CDK15: variants seen among roughly 807,000 people sequenced by gnomAD.
CDK15 encodes the protein cyclin dependent kinase 15.
A neutral mutation model predicts 60.3 loss-of-function variants in CDK15; 62 were observed. The observed-to-expected ratio is 1.03, with a 90% CI of 0.84 to 1.27. CDK15 has a LOEUF of 1.27. Among genes scored for constraint, CDK15 ranks in the 50% most tolerant of loss-of-function variants. The probability of loss-of-function intolerance (pLI) is 0.00; values close to 1 mark genes in which losing one functional copy is unlikely to be tolerated. For missense variants in CDK15, 541 were observed against 527.8 expected (o/e 1.03, Z -0.25); for synonymous variants, 194 against 195.7 (o/e 0.99, Z 0.07).
chr2:201,827,556 G>A (rs1346585122), intron 6 of CDK15, among the ~76,000 whole-genome samples: 1 of 152,218 alleles, frequency 6.6e-6, no homozygotes, highest in Non-Finnish European at 1.5e-5. Flanking sequence ...ACTGTGGTCT[G>A]TAGGATATAT....
intron 10 of CDK15, among the ~76,000 whole-genome samples, chr2:201,862,225 C>T (rs1476447028): frequency 6.6e-6 from 1 of 152,220 alleles, no homozygotes; most frequent in Non-Finnish European, 1.5e-5. Flanking sequence ...GAATCCTTGT[C>T]ATCTACATGC....
intron 12 of CDK15, chr2:201,888,427 T>C: frequency 6.5e-7 from 1 of 1,530,200 alleles, no homozygotes; most frequent in Non-Finnish European, 8.7e-7. Flanking sequence ...AAAAAATTTT[T>C]AAACACCCGC....
intron 6 of CDK15, among the ~76,000 whole-genome samples, chr2:201,827,234 C>T (rs1438386818): frequency 1.3e-5 from 2 of 152,116 alleles, no homozygotes; most frequent in Admixed American, 1.3e-4. Context: ...TCGCTTGAAC[C>T]CAAGAGTTCA....
chr2:201,817,017 T>A (rs1275958824), intron 4 of CDK15, among the ~76,000 whole-genome samples: 1 of 152,258 alleles, frequency 6.6e-6, no homozygotes, highest in African/African-American at 2.4e-5. Flanking sequence ...ACACTGCCTA[T>A]GTGGCAGCCC....
At chr2:201,815,301 A>G (rs966743995) in intron 4 of CDK15, among the ~76,000 whole-genome samples, 1 of 152,212 alleles carries the variant, frequency 6.6e-6, no homozygotes, top group Non-Finnish European at 1.5e-5. Flanking sequence ...TATTAATATT[A>G]TTCCACTATA....
Position 201,837,369 on chromosome 2 carries a change from GGGGGAGAGAGGGGGAGAA to G in CDK15, c.851+1615_851+1632del, listed in dbSNP as rs1466084933. Among the ~76,000 whole-genome samples the G allele has an allele frequency of 7.2e-3, 905 of 126,240 alleles. 8 individuals are homozygous for G. Among genetic ancestry groups the G allele is most frequent in the Non-Finnish European group, 0.013 (776 of 58,252 alleles). 82.8% of individuals were successfully genotyped at this position (126,240 alleles called of 152,430 possible). A position where few individuals can be genotyped will look rare whatever the true frequency, so the allele number is the denominator to read the frequency against. ...AGAGGGAGAGGGGGAGAAAGGGAGA[GGGGGAGAGAGGGGGAGAA>G]GGGGAGAGGGGGGAGAGGTGGGGAG... is the stretch of plus-strand genomic sequence containing the variant. On this transcript the variant is annotated intron_variant, in intron 8 of 13. Transcript: ENST00000652192.
At position 201,807,590 on chromosome 2, in the gene CDK15, C is replaced by A; in HGVS notation, c.220C>A (p.Arg74=). ...RAQKFKSKRP[R]SNSDCFQEED... is the part of the protein sequence containing the mutation. The stretch of plus-strand genomic sequence containing the variant: ...CCAGAAGTTCAAGAGTAAAAGGCCA[C>A]GGAGTAACAGTGATTGTTTTCAGGA... The change falls in exon 2 of 14, where the codon CGG becomes AGG. Residue 74 remains arginine, a synonymous_variant. Transcript: ENST00000652192. The A allele has an allele frequency of 6.2e-7, 1 of 1,614,140 alleles. No individual in the cohort carries two copies.
At chr2:201,883,836 C>A (rs909982446) in intron 12 of CDK15, among the ~76,000 whole-genome samples, 1 of 152,170 alleles carries the variant, frequency 6.6e-6, no homozygotes, top group African/African-American at 2.4e-5. Flanking sequence ...TAAAATTAGG[C>A]CCTTGGCAAC....
At chr2:201,876,517 C>T in intron 11 of CDK15, 4 of 1,209,420 alleles carry the variant, frequency 3.3e-6, no homozygotes, top group South Asian at 2.5e-5. Context: ...ACACACTTGG[C>T]TCCTAGGAGG....
chr2:201,833,892 C>G lies in CDK15; in HGVS notation c.651C>G (p.His217Gln). The G allele has an allele frequency of 6.2e-7, 1 of 1,614,024 alleles. No individual in the cohort carries two copies. Among genetic ancestry groups the G allele is most frequent in the African/African-American group, 1.3e-5 (1 of 75,012 alleles). Residue 217 changes from histidine to glutamine, a missense_variant, in exon 7 of 14, where the codon CAC (histidine) becomes CAG (glutamine). His to Gln is a conservative substitution (Grantham distance 24). Transcript: ENST00000652192. ...TGCGGGGCCTGGCGTACATCCACCA[C>G]CAACACGTTCTTCACAGGGACCTGA... ...QLLRGLAYIH[H>Q]QHVLHRDLKP...
intron 8 of CDK15, among the ~76,000 whole-genome samples, chr2:201,836,058 T>TATTTATATTTA (rs1553523956): frequency 8.3e-5 from 8 of 96,028 alleles, no homozygotes; most frequent in African/African-American, 2.4e-4. Flanking sequence ...TATATATATA[T>TATTTATATTTA]TATATATATT....
intron 8 of CDK15, among the ~76,000 whole-genome samples, chr2:201,842,619 C>T (rs1408504248): frequency 2.0e-5 from 3 of 152,244 alleles, no homozygotes; most frequent in African/African-American, 4.8e-5. Context: ...CTAAAACTCC[C>T]GAGATGGATT....
In CDK15 at chr2:201,880,077, G is replaced by C. The variant is rs1699219357; in HGVS notation, c.1108G>C (p.Gly370Arg). 5.6e-6 allele frequency: 9 copies of C among 1,614,106 alleles called. No homozygotes were observed. The highest frequency in any genetic ancestry group is 7.6e-6 in the Non-Finnish European group (9 of 1,180,002). Residue 370 changes from glycine to arginine, a missense_variant, in exon 12 of 14, where the codon GGC becomes CGC. Physicochemically the swap from Gly to Arg is moderately radical, Grantham distance 125. Transcript: ENST00000652192. Reference sequence around the variant, plus strand: ...AGACCTGGCCTCCCAGATGCTAAAAGGCTTTCCCAGAGACCGCGTCTCCGC... The same window carrying C: ...AGACCTGGCCTCCCAGATGCTAAAACGCTTTCCCAGAGACCGCGTCTCCGC... Reference protein sequence around the residue: ...AEDLASQMLKGFPRDRVSAQE... With the variant: ...AEDLASQMLKRFPRDRVSAQE...
chr2:201,888,495 G>A (rs1253982777), intron 12 of CDK15: 5 of 1,534,566 alleles, frequency 3.3e-6, no homozygotes, highest in East Asian at 2.4e-5. Flanking sequence ...TGTCAGCCTC[G>A]GGAAGCTAAT....
At chr2:201,830,052 C>A (rs1027327872) in intron 6 of CDK15, among the ~76,000 whole-genome samples, 1 of 152,154 alleles carries the variant, frequency 6.6e-6, no homozygotes, top group Admixed American at 6.5e-5. Context: ...GAGTGATTCA[C>A]CTGCCTTGGC....
At chr2:201,885,196 T>C (rs533650539) in intron 12 of CDK15, among the ~76,000 whole-genome samples, 6 of 152,366 alleles carry the variant, frequency 3.9e-5, no homozygotes, top group Admixed American at 6.5e-5. Flanking sequence ...TGCAACAATT[T>C]AAACATTCTT....
At chr2:201,870,488 C>G (rs1003608094) in intron 10 of CDK15, among the ~76,000 whole-genome samples, 4 of 146,010 alleles carry the variant, frequency 2.7e-5, no homozygotes, top group African/African-American at 1.0e-4. Context: ...GTGGGAGGAA[C>G]ACTTGAGGCC....
chr2:201,834,521 T>G (rs925835844), intron 7 of CDK15, among the ~76,000 whole-genome samples: 1 of 152,240 alleles, frequency 6.6e-6, no homozygotes, highest in Non-Finnish European at 1.5e-5. Flanking sequence ...TATAATTATA[T>G]TCACACACAT....
At chr2:201,883,185 A>G (rs12693952) in intron 12 of CDK15, among the ~76,000 whole-genome samples, 148,790 of 152,344 alleles carry the variant, frequency 0.98, 72,718 homozygotes, top group East Asian at 1. Context: ...TATTATTCTG[A>G]TTTTATTCTG....
Sources: gnomAD v4.1 joint callset for allele counts (sites outside exome capture counted in the v4.1 genomes callset) on GRCh38, gnomAD v4.1.1 for gene constraint, MANE v1.5 for transcripts, NCBI Gene and HGNC (gene_info 2026-07-23, HGNC 2026-07-21) for gene names.